The following SPAG16 variants were observed in gnomAD, a reference collection of about 807,000 sequenced individuals.
The protein encoded by SPAG16 is sperm associated antigen 16, also known as sperm-associated antigen 16 protein.
Under a neutral mutation model 80.4 loss-of-function variants are expected in SPAG16, and 86 were observed. That is an observed-to-expected ratio of 1.07 (90% CI 0.90 to 1.28). The LOEUF is 1.28. Ranked by LOEUF, SPAG16 falls within the 50% of genes most tolerant of loss-of-function variation. SPAG16 has a pLI of 0.00. For missense variants in SPAG16, 870 were observed against 765.3 expected (o/e 1.14, Z -1.61); for synonymous variants, 294 against 265.9 (o/e 1.11, Z -1.03).
chr2:213,854,632 T>G (rs1290827371), intron 10 of SPAG16, among the ~76,000 whole-genome samples: 1 of 152,228 alleles, frequency 6.6e-6, no homozygotes, highest in Non-Finnish European at 1.5e-5. Flanking sequence ...GTATTAACTT[T>G]AAAAATTCCC....
At chr2:214,175,162 AAAG>A (rs2057025827) in intron 15 of SPAG16, among the ~76,000 whole-genome samples, 1 of 150,004 alleles carries the variant, frequency 6.7e-6, no homozygotes, top group Non-Finnish European at 1.5e-5. Context: ...GCAGAATTCG[AAAG>A]AAGGTTAAAT....
chr2:213,925,687 A>T (rs2078439016), intron 11 of SPAG16, among the ~76,000 whole-genome samples: 1 of 152,166 alleles, frequency 6.6e-6, no homozygotes, highest in Non-Finnish European at 1.5e-5. Context: ...TGATAATTCC[A>T]GAGTAACATT....
intron 9 of SPAG16, chr2:213,422,029 C>A: frequency 1.7e-6 from 1 of 582,938 alleles, no homozygotes; most frequent in East Asian, 2.8e-5. Context: ...TTTCATGTAC[C>A]TCATTCTTCC....
At chr2:213,951,546 A>G (rs1210403135) in intron 12 of SPAG16, among the ~76,000 whole-genome samples, 1 of 152,208 alleles carries the variant, frequency 6.6e-6, no homozygotes, top group African/African-American at 2.4e-5. Context: ...GAAAATATGA[A>G]TAAGAGGCAA....
In SPAG16 at chr2:213,383,021, AAAGAT is replaced by A. The variant is rs1311971502; in HGVS notation, c.942+7905_942+7909del. Among the ~76,000 whole-genome samples, 5 of 152,230 alleles carry A rather than the reference AAAGAT, an allele frequency of 3.3e-5. No homozygotes were observed. The East Asian group carries it at 5.8e-4, about 18-fold the overall frequency. On this transcript the variant is annotated intron_variant, in intron 9 of 15. Coordinates refer to ENST00000331683, the MANE Select transcript of SPAG16 (RefSeq NM_024532.5). ...AGAGGGTATTTTTATCTGCTTCAGT[AAAGAT>A]AACACATATGGCACAGCCCATATGT... is the stretch of plus-strand genomic sequence containing the variant.
chr2:214,187,676 G>GCAAA (rs2057522855), intron 15 of SPAG16, among the ~76,000 whole-genome samples: 4 of 143,938 alleles, frequency 2.8e-5, no homozygotes, highest in Non-Finnish European at 6.5e-5. Context: ...AAACAATAAT[G>GCAAA]TCTGCCATAA....
Position 213,362,599 on chromosome 2 carries a change from C to T in SPAG16, c.763-1477C>T, listed in dbSNP as rs189531258. 3.2e-4 allele frequency among the ~76,000 whole-genome samples: 49 copies of T among 152,264 alleles called. No individual in the cohort carries two copies. In the East Asian group the frequency reaches 8.7e-3, roughly 27 times the overall value. On this transcript the variant is annotated intron_variant, in intron 7 of 15. Coordinates refer to ENST00000331683, the MANE Select transcript of SPAG16 (RefSeq NM_024532.5). Reference sequence around the variant, plus strand: ...GATGTAATATGCTAATAATGGCACTCCCCTGTGATCTTCTTGCAAATCCAT... The same window carrying T: ...GATGTAATATGCTAATAATGGCACTTCCCTGTGATCTTCTTGCAAATCCAT...
At chr2:213,633,954 A>C (rs1478865592) in intron 10 of SPAG16, among the ~76,000 whole-genome samples, 1 of 151,990 alleles carries the variant, frequency 6.6e-6, no homozygotes, top group African/African-American at 2.4e-5. Flanking sequence ...AGATCCATTA[A>C]GATTTTGTTT....
chr2:214,079,305 AC>A (rs2051244714), intron 13 of SPAG16, among the ~76,000 whole-genome samples: 1 of 152,220 alleles, frequency 6.6e-6, no homozygotes, highest in South Asian at 2.1e-4. Flanking sequence ...TATGTAGGGC[AC>A]CATTTAAGAA....
chr2:213,374,859 A>G (rs2066807628), intron 8 of SPAG16, 151 bp from the exon 9 acceptor site: 4 of 581,020 alleles, frequency 6.9e-6, no homozygotes, highest in Non-Finnish European at 3.0e-6. Flanking sequence ...GACCACACAT[A>G]AAGCATTTGG....
chr2:214,348,557 G>C (rs1325268358), intron 15 of SPAG16, among the ~76,000 whole-genome samples: 2 of 152,056 alleles, frequency 1.3e-5, no homozygotes, highest in African/African-American at 4.8e-5. Flanking sequence ...TTCACTTTTG[G>C]AGTCCTGAGC....
At chr2:213,583,512 A>G (rs1011490016) in intron 10 of SPAG16, among the ~76,000 whole-genome samples, 1 of 152,122 alleles carries the variant, frequency 6.6e-6, no homozygotes, top group African/African-American at 2.4e-5. Context: ...TTCCACTCAC[A>G]TGTGTGTATA....
At chr2:213,694,305 C>T (rs2065071521) in intron 10 of SPAG16, among the ~76,000 whole-genome samples, 1 of 152,152 alleles carries the variant, frequency 6.6e-6, no homozygotes, top group Non-Finnish European at 1.5e-5. Context: ...AGCTGTATCA[C>T]CTGCTTCTCA....
At chr2:213,318,408 T>G (rs550132121) in intron 5 of SPAG16, among the ~76,000 whole-genome samples, 2 of 151,964 alleles carry the variant, frequency 1.3e-5, no homozygotes, top group African/African-American at 4.8e-5. Flanking sequence ...AAACAGAAAG[T>G]CAAAAACCAC....
At chr2:214,332,326 A>G (rs1013104865) in intron 15 of SPAG16, among the ~76,000 whole-genome samples, 3 of 152,220 alleles carry the variant, frequency 2.0e-5, no homozygotes, top group African/African-American at 7.2e-5. Context: ...TTTCTGTATC[A>G]GTGACCCAAC....
chr2:214,220,780 C>T (rs562325366), intron 15 of SPAG16, among the ~76,000 whole-genome samples: 10 of 152,170 alleles, frequency 6.6e-5, no homozygotes, highest in Non-Finnish European at 1.5e-4. Context: ...TTACTTAAAA[C>T]GTAATAAAAT....
At chr2:214,082,141 C>T (rs1219576049) in intron 13 of SPAG16, among the ~76,000 whole-genome samples, 1 of 152,158 alleles carries the variant, frequency 6.6e-6, no homozygotes, top group Non-Finnish European at 1.5e-5. Context: ...CTGCCATGTC[C>T]TGCAGCTGGA....
intron 9 of SPAG16, among the ~76,000 whole-genome samples, chr2:213,381,911 A>G (rs2067195413): frequency 6.6e-6 from 1 of 152,180 alleles, no homozygotes; most frequent in East Asian, 1.9e-4. Context: ...TACTGCCAAG[A>G]TTTCTGTTCA....
intron 15 of SPAG16, among the ~76,000 whole-genome samples, chr2:214,215,753 G>T (rs1025860522): frequency 2.6e-5 from 4 of 152,054 alleles, no homozygotes; most frequent in African/African-American, 9.7e-5. Flanking sequence ...TGTTCCTTCT[G>T]CCAGTTGCAA....
Sources: allele counts gnomAD v4.1 joint callset (sites outside exome capture counted in the v4.1 genomes callset), GRCh38; gene constraint gnomAD v4.1.1; transcripts MANE v1.5; gene names NCBI Gene and HGNC (gene_info 2026-07-23, HGNC 2026-07-21).